Variants in DCC observed in about 807,000 individuals in gnomAD.
The protein encoded by DCC is netrin receptor DCC.
Under a neutral mutation model 172.5 loss-of-function variants are expected in DCC, and 58 were observed. That is an observed-to-expected ratio of 0.34 (90% confidence interval 0.27 to 0.42). The LOEUF (loss-of-function observed/expected upper bound fraction) is 0.42. DCC is among the 10% of genes least tolerant of loss of function. The pLI, the probability that DCC is intolerant of heterozygous loss-of-function variation, is 1.00. For synonymous variants in DCC, 709 were observed against 644.5 expected (o/e 1.10, Z -1.52); for missense variants, 1,740 against 1,791.0 (o/e 0.97, Z 0.51).
chr18:53,138,883 A>T (rs1392882737), intron 7 of DCC, among the ~76,000 whole-genome samples: 2 of 152,190 alleles, frequency 1.3e-5, no homozygotes, highest in Non-Finnish European at 2.9e-5. Flanking sequence ...ATTATACAAT[A>T]CTTAGCACGC....
At chr18:53,089,763 C>A (rs1344360433) in intron 7 of DCC, among the ~76,000 whole-genome samples, 1 of 152,056 alleles carries the variant, frequency 6.6e-6, no homozygotes, top group Admixed American at 6.6e-5. Flanking sequence ...GCTTTGAAGT[C>A]ATGTGATGCA....
rs1175611526 is a variant in DCC, at chr18:52,752,068, G to A, written c.106G>A (p.Ala36Thr). The A allele has an allele frequency of 6.2e-7, 1 of 1,614,076 alleles. No homozygotes were observed. Among genetic ancestry groups the A allele is most frequent in the Non-Finnish European group, 8.5e-7 (1 of 1,179,988 alleles). ...TCTTGTTCCAGGTTTTCAAATTAAAGCTTTCACAGCACTGCGCTTCCTCTC... is the reference window on the plus strand; with the variant it reads ...TCTTGTTCCAGGTTTTCAAATTAAAACTTTCACAGCACTGCGCTTCCTCTC... ...HLQVTGFQIK[A>T]FTALRFLSEP... is the part of the protein sequence containing the mutation. The change falls in exon 2 of 29, where the codon GCT becomes ACT. Residue 36 changes from alanine to threonine, a missense_variant. Coordinates refer to ENST00000442544, the MANE Select transcript of DCC (RefSeq NM_005215.4).
intron 1 of DCC, among the ~76,000 whole-genome samples, chr18:52,461,323 A>G (rs945146164): frequency 6.6e-5 from 10 of 151,990 alleles, no homozygotes; most frequent in African/African-American, 2.2e-4. Flanking sequence ...AGATAATATT[A>G]CTTCTTTGGG....
intron 2 of DCC, among the ~76,000 whole-genome samples, chr18:52,853,091 C>T (rs2039002174): frequency 6.6e-6 from 1 of 151,924 alleles, no homozygotes; most frequent in African/African-American, 2.4e-5. Context: ...AATTCCACTC[C>T]TAAGATCAAA....
At chr18:53,418,714 T>G (rs1222527078) in intron 21 of DCC, among the ~76,000 whole-genome samples, 1 of 152,136 alleles carries the variant, frequency 6.6e-6, no homozygotes, top group African/African-American at 2.4e-5. Flanking sequence ...CTTGTCACAA[T>G]TATTATTATT....
At chr18:52,526,364 T>G (rs1366359242) in intron 1 of DCC, among the ~76,000 whole-genome samples, 2 of 152,124 alleles carry the variant, frequency 1.3e-5, no homozygotes, top group African/African-American at 4.8e-5. Context: ...CCCAACAAAA[T>G]CAGTGACAGC....
At chr18:52,882,373 A>T (rs947437507) in intron 2 of DCC, among the ~76,000 whole-genome samples, 1 of 151,364 alleles carries the variant, frequency 6.6e-6, no homozygotes, top group Non-Finnish European at 1.5e-5. Flanking sequence ...TTTAAGATGC[A>T]TTATTAGGTT....
At chr18:53,328,011 A>G (rs192277271) in intron 14 of DCC, among the ~76,000 whole-genome samples, 39 of 152,280 alleles carry the variant, frequency 2.6e-4, no homozygotes, top group Non-Finnish European at 4.6e-4. Flanking sequence ...ATTCAAGTGG[A>G]TTTCATCTTA....
At chr18:52,581,458 C>T in intron 1 of DCC, among the ~76,000 whole-genome samples, 1 of 152,158 alleles carries the variant, frequency 6.6e-6, no homozygotes, top group South Asian at 2.1e-4. Flanking sequence ...CCCCATAGCA[C>T]TGAAGCTCTA....
At chr18:52,367,974 G>A (rs1463304728) in intron 1 of DCC, among the ~76,000 whole-genome samples, 1 of 152,200 alleles carries the variant, frequency 6.6e-6, no homozygotes, top group Non-Finnish European at 1.5e-5. Context: ...AGTCCAGATA[G>A]TGACATCTGT....
At chr18:53,122,503 T>C (rs2043496724) in intron 7 of DCC, among the ~76,000 whole-genome samples, 1 of 151,476 alleles carries the variant, frequency 6.6e-6, no homozygotes, top group Admixed American at 6.6e-5. Context: ...AAAGTTTCAT[T>C]AAGATACAGA....
At chr18:53,086,584 TC>T (rs1328193185) in intron 7 of DCC, among the ~76,000 whole-genome samples, 1 of 45,798 alleles carries the variant, frequency 2.2e-5, no homozygotes, top group Admixed American at 1.5e-4. Context: ...TTCTTCTTCT[TC>T]CTTCTTCTTC....
intron 12 of DCC, chr18:53,237,128 A>G (rs1175156443): frequency 6.6e-6 from 1 of 152,528 alleles, no homozygotes; most frequent in East Asian, 1.9e-4. Flanking sequence ...AGATCTTTAT[A>G]TATATGATCA....
chr18:52,357,764 G>A (rs1231763962), intron 1 of DCC, among the ~76,000 whole-genome samples: 15 of 151,844 alleles, frequency 9.9e-5, no homozygotes, highest in African/African-American at 2.7e-4. Context: ...GTGAAACCCC[G>A]TCTCTACTAA....
At chr18:53,262,988 T>C (rs920965921) in intron 12 of DCC, among the ~76,000 whole-genome samples, 9 of 152,194 alleles carry the variant, frequency 5.9e-5, no homozygotes, top group African/African-American at 1.9e-4. Context: ...TGGTCTTTCA[T>C]TGGTAAGCAT....
Position 52,520,834 on chromosome 18 carries a change from T to C in DCC, c.91+179956T>C, listed in dbSNP as rs370813964. Among the ~76,000 whole-genome samples the C allele has an allele frequency of 2.0e-3, 301 of 152,328 alleles. 2 individuals are homozygous for C. Among genetic ancestry groups the C allele is most frequent in the African/African-American group, 7.0e-3 (292 of 41,570 alleles). On this transcript the variant is annotated intron_variant, in intron 1 of 28. Coordinates refer to ENST00000442544, the MANE Select transcript of DCC (RefSeq NM_005215.4). ...AAAAGTGCCTTACAATAATAGTTTG[T>C]GTTTTGCTGCTTTAGTTAGTGTTCT...
chr18:53,407,562 A>G (rs1003210488), intron 19 of DCC, among the ~76,000 whole-genome samples: 2 of 89,956 alleles, frequency 2.2e-5, no homozygotes, highest in Non-Finnish European at 4.9e-5. Context: ...TATATTCACT[A>G]TTACTCTCTC....
chr18:52,571,179 T>G (rs73957927), intron 1 of DCC, among the ~76,000 whole-genome samples: 6,610 of 152,162 alleles, frequency 0.043, 486 homozygotes, highest in African/African-American at 0.15. Flanking sequence ...GCCAGGAACA[T>G]GACTCAGCTC....
intron 1 of DCC, among the ~76,000 whole-genome samples, chr18:52,594,256 T>A (rs372473727): frequency 1.3e-5 from 2 of 152,340 alleles, no homozygotes; most frequent in East Asian, 3.9e-4. Context: ...TTTAAAATTC[T>A]TAGAATGTTC....
Sources: allele counts gnomAD v4.1 joint callset (sites outside exome capture counted in the v4.1 genomes callset), GRCh38; gene constraint gnomAD v4.1.1; transcripts MANE v1.5; gene names NCBI Gene and HGNC (gene_info 2026-07-23, HGNC 2026-07-21).